The following ZNF3 variants were observed in gnomAD, a reference collection of about 807,000 sequenced individuals.
The protein encoded by ZNF3 is C2-H2 type zinc finger protein.
Under a neutral mutation model 36.9 loss-of-function variants are expected in ZNF3, and 16 were observed. That is an observed-to-expected ratio of 0.43 (90% confidence interval 0.29 to 0.66). The LOEUF is 0.66. ZNF3 is among the 30% of genes least tolerant of loss of function. The pLI is 0.13. For synonymous variants in ZNF3, 201 were observed against 201.9 expected, an observed-to-expected ratio of 1.00 and a Z score of 0.04; for missense variants, 462 against 543.1, an observed-to-expected ratio of 0.85 and a Z score of 1.48.
At chr7:100,075,432 A>G in intron 4 of ZNF3, 110 bp downstream of exon 4, 1 of 1,499,154 alleles carries the variant, frequency 6.7e-7, no homozygotes, top group Middle Eastern at 1.7e-4. Context: ...TCCATGATTC[A>G]GCAGGACAGA....
In ZNF3 at chr7:100,077,297, C is replaced by T. The variant is rs1400173181; in HGVS notation, c.55+6G>A. On this transcript the variant is annotated splice_donor_region_variant and intron_variant, in intron 3 of 5. Transcript: ENST00000299667. Reference sequence around the variant, plus strand: ...GTAAAAGAATGAATGAGTCCTTATTCCTCACCACTGTCAAGCAGGGCCTGA... The same window carrying T: ...GTAAAAGAATGAATGAGTCCTTATTTCTCACCACTGTCAAGCAGGGCCTGA... 3 of 1,613,654 alleles carry T rather than the reference C, an allele frequency of 1.9e-6. No homozygotes were observed. Among genetic ancestry groups the T allele is most frequent in the Non-Finnish European group, 2.5e-6 (3 of 1,179,916 alleles).
chr7:100,070,800 C>T lies in ZNF3; in HGVS notation c.*343G>A, dbSNP rs1030452815. 12 of 1,073,194 alleles carry T rather than the reference C, an allele frequency of 1.1e-5. No individual in the cohort carries two copies. Among genetic ancestry groups the T allele is most frequent in the Admixed American group, 9.5e-5 (2 of 20,972 alleles). The allele number at this position is 1,073,194 out of a possible 1,614,324, so 66.5% of individuals were successfully genotyped here. A position where few individuals can be genotyped will look rare whatever the true frequency, so the allele number is the denominator to read the frequency against. The stretch of plus-strand genomic sequence containing the variant: ...GCTGTCTGTGCTGACTACGCGGACT[C>T]CAACTAAAGGAATCCATCGAATTCT... On this transcript the variant is annotated 3_prime_UTR_variant, in exon 6 of 6. Transcript: ENST00000299667.
chr7:100,071,228 G>A lies in ZNF3; in HGVS notation c.1256C>T (p.Thr419Ile), dbSNP rs770057320. 3.1e-6 allele frequency: 5 copies of A among 1,614,230 alleles called. 1 individual carries two copies. The Admixed American group carries it at 5.0e-5, about 16-fold the overall frequency. The change falls in exon 6 of 6, where the codon ACT (threonine) becomes ATT (isoleucine). Residue 419 changes from threonine to isoleucine, a missense_variant. Thr to Ile is a moderately conservative substitution (Grantham distance 89). Transcript: ENST00000299667. ...SALVRHQRIHTGEKPLNGIGM... is the reference protein window; with the variant it reads ...SALVRHQRIHIGEKPLNGIGM... ...GATCCCATTCAAAGGCTTCTCTCCA[G>A]TGTGAATTCTCTGATGGCGAACAAG...
At chr7:100,064,873 A>G (rs1255278612) in exon 6 of ZNF3, 1 of 1,607,922 alleles carries the variant, frequency 6.2e-7, no homozygotes, top group South Asian at 1.1e-5. Context: ...AAGCCATGCC[A>G]GCATTACCTT....
At chr7:100,064,438 C>G in exon 6 of ZNF3, 1 of 1,614,052 alleles carries the variant, frequency 6.2e-7, no homozygotes, top group Non-Finnish European at 8.5e-7. Context: ...CGGAGAGAAG[C>G]CATATAAGTG....
chr7:100,064,674 A>T, exon 6 of ZNF3: 3 of 1,603,786 alleles, frequency 1.9e-6, no homozygotes, highest in Non-Finnish European at 2.6e-6. Context: ...GAAAACCAGA[A>T]AGAAGTCTTG....
chr7:100,066,965 G>A (rs1321786573), downstream of ZNF3, among the ~76,000 whole-genome samples: 1 of 152,118 alleles, frequency 6.6e-6, no homozygotes, highest in Non-Finnish European at 1.5e-5. Flanking sequence ...AACCTAGGAG[G>A]CAGAGGTTGC....
Position 100,070,646 on chromosome 7 carries a change from T to C in ZNF3, c.*497A>G. On this transcript the variant is annotated 3_prime_UTR_variant, in exon 6 of 6. Coordinates refer to ENST00000299667, the MANE Select transcript of ZNF3 (RefSeq NM_032924.5). ...TCCCTCAATGCCAAATTTCCATAAT[T>C]AACGAAATCATGAAACAAAACAGCA... 1 of 989,766 alleles carries C rather than the reference T, an allele frequency of 1.0e-6. No homozygotes were observed. The highest frequency in any genetic ancestry group is 1.1e-4 in the East Asian group (1 of 8,852). 61.3% of individuals were successfully genotyped at this position (989,766 alleles called of 1,614,324 possible). A position where few individuals can be genotyped will look rare whatever the true frequency, so the allele number is the denominator to read the frequency against.
exon 6 of ZNF3, chr7:100,064,209 A>G (rs1208716984): frequency 2.5e-6 from 4 of 1,614,160 alleles, no homozygotes; most frequent in Middle Eastern, 1.6e-4. Context: ...GTAAGTGTGG[A>G]AAAGCTTTTG....
rs1222060755 is a variant in ZNF3 at position 100,080,511 on chromosome 7, A to G, written c.-197-855T>C. On this transcript the variant is annotated intron_variant, in intron 1 of 5. Transcript: ENST00000299667. The stretch of plus-strand genomic sequence containing the variant: ...CCTTAATACACACACAAACATTTTA[A>G]AAGGAAAAAAAAAAAAAAGGCCGGG... Among the ~76,000 whole-genome samples, 3 of 152,020 alleles carry G rather than the reference A, an allele frequency of 2.0e-5. No individual in the cohort carries two copies. The East Asian group carries it at 5.8e-4, about 29-fold the overall frequency.
rs771098214 is a variant in ZNF3 at position 100,081,116 on chromosome 7, A to G, written c.-198+519T>C. ...CTGAGCCAGGTGTATCACGCGATGC[A>G]CTGGGCTCCAGCAGGATTACCCCTG... On this transcript the variant is annotated intron_variant, in intron 1 of 5. Coordinates refer to ENST00000299667, the MANE Select transcript of ZNF3 (RefSeq NM_032924.5). The surrounding 1 kb of genome is among the most constrained non-coding windows in gnomAD (Gnocchi z 4.3). Among the ~76,000 whole-genome samples, 6 of 152,142 alleles carry G rather than the reference A, an allele frequency of 3.9e-5. No individual in the cohort carries two copies. The highest frequency in any genetic ancestry group is 7.4e-5 in the Non-Finnish European group (5 of 68,014).
At position 100,071,640 on chromosome 7, in the gene ZNF3, T is replaced by C. The variant is rs1328036502; in HGVS notation, c.844A>G (p.Lys282Glu). 8.7e-6 allele frequency: 14 copies of C among 1,613,926 alleles called. No individual in the cohort carries two copies. Among genetic ancestry groups the C allele is most frequent in the Non-Finnish European group, 1.2e-5 (14 of 1,179,960 alleles). ...ILHRRIHTGE[K>E]PYECNECGKT... ...CCACACTCATTACATTCATAGGGTT[T>C]CTCCCCCGTGTGGATCCTCCGATGC... Residue 282 changes from lysine (K) to glutamate (E), a missense_variant, in exon 6 of 6, where the codon AAA becomes GAA. Coordinates refer to ENST00000299667, the MANE Select transcript of ZNF3 (RefSeq NM_032924.5).
chr7:100,068,152 T>C (rs1188216371), downstream of ZNF3, among the ~76,000 whole-genome samples: 1 of 149,444 alleles, frequency 6.7e-6, no homozygotes, highest in Non-Finnish European at 1.5e-5. Context: ...AGCAGCATTA[T>C]CTCAGCTCAC....
At position 100,076,147 on chromosome 7, in the gene ZNF3, T is replaced by C. The variant is rs564844659; in HGVS notation, c.56-517A>G. On this transcript the variant is annotated intron_variant, in intron 3 of 5. Coordinates refer to ENST00000299667, the MANE Select transcript of ZNF3 (RefSeq NM_032924.5). The stretch of plus-strand genomic sequence containing the variant: ...GCCACTGCACCCAGCATGAAGTTCT[T>C]AGACCAGAGAAAAACCAGCAGCTTC... Among the ~76,000 whole-genome samples the C allele has an allele frequency of 2.0e-3, 302 of 151,954 alleles. 1 individual carries two copies. Among genetic ancestry groups the C allele is most frequent in the African/African-American group, 7.0e-3 (288 of 41,438 alleles).
chr7:100,065,122 G>GCT, downstream of ZNF3: 1 of 776,644 alleles, frequency 1.3e-6, no homozygotes, highest in Non-Finnish European at 1.9e-6. Flanking sequence ...TACTGGTTTA[G>GCT]CTTTTAGAAA....
chr7:100,076,356 G>T (rs936644101), intron 3 of ZNF3, among the ~76,000 whole-genome samples: 1 of 151,216 alleles, frequency 6.6e-6, no homozygotes, highest in African/African-American at 2.4e-5. Context: ...GCAGTGGCGT[G>T]ATCTCGGCTC....
rs533268549 is a variant in ZNF3, at chr7:100,071,108, T to A, written c.*35A>T. 1 of 1,543,822 alleles carries A rather than the reference T, an allele frequency of 6.5e-7. No individual in the cohort carries two copies. The highest frequency in any genetic ancestry group is 1.4e-5 in the African/African-American group (1 of 72,730). Reference sequence around the variant, plus strand: ...AGGGTAAGGCAAGAGCTCTTGAGACTCAGGGAAAGTGAGGAAAATGGGTGT... The same window carrying A: ...AGGGTAAGGCAAGAGCTCTTGAGACACAGGGAAAGTGAGGAAAATGGGTGT... On this transcript the variant is annotated 3_prime_UTR_variant, in exon 6 of 6. Transcript: ENST00000299667.
At chr7:100,072,393 G>C (rs1181551861) in intron 5 of ZNF3, among the ~76,000 whole-genome samples, 181 bp from the exon 6 acceptor site, 6 of 152,220 alleles carry the variant, frequency 3.9e-5, no homozygotes, top group Non-Finnish European at 7.3e-5. Flanking sequence ...ACAGGGAAGG[G>C]GCAGGGCAGA....
chr7:100,064,280 G>A (rs1327950781), exon 6 of ZNF3: 2 of 1,614,038 alleles, frequency 1.2e-6, no homozygotes, highest in South Asian at 2.2e-5. Flanking sequence ...CCATATCAGT[G>A]CAAAGATTGT....
Sources: allele counts gnomAD v4.1 joint callset (sites outside exome capture counted in the v4.1 genomes callset), GRCh38; gene constraint gnomAD v4.1.1; non-coding constraint Gnocchi (gnomAD v3.1); transcripts MANE v1.5; gene names NCBI Gene and HGNC (gene_info 2026-07-23, HGNC 2026-07-21).